CORO7: variants seen among roughly 807,000 people sequenced by gnomAD.
CORO7 encodes coronin 7, also known as coronin-7.
A neutral mutation model predicts 126.6 loss-of-function variants in CORO7; 107 were observed. The ratio of observed to expected loss-of-function variants is 0.85; its 90% CI spans 0.72 to 0.99. The LOEUF (loss-of-function observed/expected upper bound fraction) is 0.99, where lower values mean the gene tolerates loss of function less well. CORO7 is among the 50% of genes least tolerant of loss of function. The pLI, the probability that CORO7 is intolerant of heterozygous loss-of-function variation, is 0.00. For missense variants in CORO7, 1,314 were observed against 1,255.8 expected (o/e 1.05, Z -0.70); for synonymous variants, 603 against 536.8 (o/e 1.12, Z -1.70).
chr16:4,388,438 T>A, intron 8 of CORO7, 107 bp downstream of exon 8: 1 of 1,275,232 alleles, frequency 7.8e-7, no homozygotes. Context: ...TGGACAGGCC[T>A]GGAACTGGCC....
chr16:4,412,299 C>T lies in CORO7; in HGVS notation c.232+57G>A. 5 of 1,591,318 alleles carry T rather than the reference C, an allele frequency of 3.1e-6. 2 individuals carry two copies. In the South Asian group the frequency reaches 5.6e-5, roughly 18 times the overall value. ...GGACCAGGTGAGGATGAATTTCTGGCCCTGGAGAGGGAGGTGCAAGTTTCA... is the reference window on the plus strand; with the variant it reads ...GGACCAGGTGAGGATGAATTTCTGGTCCTGGAGAGGGAGGTGCAAGTTTCA... On this transcript the variant is annotated intron_variant, in intron 3 of 27. Coordinates refer to ENST00000251166, the MANE Select transcript of CORO7 (RefSeq NM_024535.5).
chr16:4,365,195 C>T, intron 10 of CORO7, 135 bp from the exon 11 acceptor site: 2 of 1,395,126 alleles, frequency 1.4e-6, no homozygotes, highest in Non-Finnish European at 1.9e-6. Context: ...GGCTCCCCAA[C>T]ATGCTGGGCG....
intron 7 of CORO7, among the ~76,000 whole-genome samples, chr16:4,394,062 C>CT (rs1205694258): frequency 6.6e-6 from 1 of 152,046 alleles, no homozygotes; most frequent in African/African-American, 2.4e-5. Flanking sequence ...GATTGCGCCA[C>CT]TGCCCTCCAG....
At chr16:4,394,700 A>G (rs777656589) in intron 7 of CORO7, among the ~76,000 whole-genome samples, 27 of 152,246 alleles carry the variant, frequency 1.8e-4, no homozygotes, top group Admixed American at 3.9e-4. Flanking sequence ...GGAGCCAGAC[A>G]CAGGGCCCTG....
intron 23 of CORO7, chr16:4,359,047 G>A: frequency 1.8e-6 from 1 of 552,176 alleles, no homozygotes; most frequent in Non-Finnish European, 3.1e-6. Context: ...GAAGTGTTGG[G>A]ATTCCAGGCC....
chr16:4,395,869 A>G (rs1278804814), intron 6 of CORO7, among the ~76,000 whole-genome samples: 1 of 152,238 alleles, frequency 6.6e-6, no homozygotes, highest in Non-Finnish European at 1.5e-5. Flanking sequence ...TTCGGCAGTT[A>G]TTGATTCAGA....
In CORO7 at chr16:4,389,683, C is replaced by A. The variant is rs116267509; in HGVS notation, c.616-1052G>T. The stretch of plus-strand genomic sequence containing the variant: ...CTGGAGCCTGAGAACCAAGGCCCCA[C>A]TGCCCTCTCTCCACGTAAGAGGGGA... On this transcript the variant is annotated intron_variant, in intron 7 of 27. Transcript: ENST00000251166. Among the ~76,000 whole-genome samples the A allele has an allele frequency of 2.8e-3, 429 of 152,348 alleles. 5 individuals are homozygous for A. The highest frequency in any genetic ancestry group is 9.8e-3 in the African/African-American group (409 of 41,574).
chr16:4,359,333 A>G lies in CORO7; in HGVS notation c.2303T>C (p.Leu768Pro), dbSNP rs758877138. The change falls in exon 23 of 28, where the codon CTG (leucine) becomes CCG (proline). Residue 768 changes from leucine to proline, a missense_variant. Transcript: ENST00000251166. ...YELLPESPFF[L>P]ECNSFTSPDP... ...AGGCGACGTGAAGCTGTTGCACTCCAGGAAGAAAGGGGACTCGGGGAGCAG... is the reference window on the plus strand; with the variant it reads ...AGGCGACGTGAAGCTGTTGCACTCCGGGAAGAAAGGGGACTCGGGGAGCAG... The G allele has an allele frequency of 6.2e-7, 1 of 1,612,586 alleles. No homozygotes were observed. The highest frequency in any genetic ancestry group is 1.1e-5 in the South Asian group (1 of 90,710).
chr16:4,411,306 T>G (rs906577812), intron 3 of CORO7, among the ~76,000 whole-genome samples: 94 of 152,118 alleles, frequency 6.2e-4, no homozygotes, highest in African/African-American at 2.2e-3. Flanking sequence ...GGTGGAAGAA[T>G]TGCTTGAGCC....
intron 9 of CORO7, 101 bp downstream of exon 9, chr16:4,387,885 C>A: frequency 2.0e-6 from 3 of 1,465,854 alleles, no homozygotes; most frequent in African/African-American, 2.8e-5. Context: ...CAGAACACCC[C>A]GGAGATCAGC....
At chr16:4,357,794 C>T (rs1340499728) in intron 25 of CORO7, 174 bp downstream of exon 25, 4 of 1,214,474 alleles carry the variant, frequency 3.3e-6, no homozygotes, top group Non-Finnish European at 4.4e-6. Context: ...GATGAAAACA[C>T]AGACCACGAG....
chr16:4,369,103 C>G (rs932261967), intron 9 of CORO7, among the ~76,000 whole-genome samples: 8 of 152,264 alleles, frequency 5.3e-5, no homozygotes, highest in African/African-American at 1.9e-4. Flanking sequence ...GCCACTGACT[C>G]AGGAGCTGAG....
intron 9 of CORO7, among the ~76,000 whole-genome samples, chr16:4,380,703 G>A (rs1430153272): frequency 6.6e-6 from 1 of 152,248 alleles, no homozygotes; most frequent in Non-Finnish European, 1.5e-5. Flanking sequence ...GAGTGACGGG[G>A]CTGGGACAGA....
At chr16:4,392,890 G>A (rs2055445586) in intron 7 of CORO7, among the ~76,000 whole-genome samples, 1 of 152,184 alleles carries the variant, frequency 6.6e-6, no homozygotes, top group South Asian at 2.1e-4. Flanking sequence ...AGGGGTGGGA[G>A]CCACCCACGC....
Position 4,362,074 on chromosome 16 carries a change from T to A in CORO7, c.1489A>T (p.Thr497Ser), listed in dbSNP as rs745605949. The change falls in exon 16 of 28, where the codon ACA becomes TCA. Residue 497 changes from threonine (T) to serine (S), a missense_variant. Thr to Ser is a moderately conservative substitution (Grantham distance 58). Coordinates refer to ENST00000251166, the MANE Select transcript of CORO7 (RefSeq NM_024535.5). The surrounding 1 kb of genome is among the most constrained non-coding windows in gnomAD (Gnocchi z 5.3). ...CAGAAGCCGTCACTCTCACCAGGTGTGGTGAGGTTGAGCCCCTTGAGGTTG... is the reference window on the plus strand; with the variant it reads ...CAGAAGCCGTCACTCTCACCAGGTGAGGTGAGGTTGAGCCCCTTGAGGTTG... ...ITNLKGLNLTTPGESDGFCAN... is the reference protein window; with the variant it reads ...ITNLKGLNLTSPGESDGFCAN... 4 of 1,612,724 alleles carry A rather than the reference T, an allele frequency of 2.5e-6. No homozygotes were observed. Among genetic ancestry groups the A allele is most frequent in the East Asian group, 4.5e-5 (2 of 44,808 alleles).
Position 4,365,524 on chromosome 16 carries a change from G to T in CORO7, c.807C>A (p.Asp269Glu). The change falls in exon 10 of 28, where the codon GAC becomes GAA. Residue 269 changes from aspartate to glutamate, a missense_variant. Coordinates refer to ENST00000251166, the MANE Select transcript of CORO7 (RefSeq NM_024535.5). ...CCAGGACCAGGAGCCCAGAGTCAGG[G>T]TCCAGCAGAGGCACGAGACACCTGG... is the stretch of plus-strand genomic sequence containing the variant. ...TSLGCLVPLLDPDSGLLVLAG... is the reference protein window; with the variant it reads ...TSLGCLVPLLEPDSGLLVLAG... 6.3e-7 allele frequency: 1 copy of T among 1,580,916 alleles called. No homozygotes were observed. Among genetic ancestry groups the T allele is most frequent in the Non-Finnish European group, 8.6e-7 (1 of 1,163,770 alleles).
intron 6 of CORO7, among the ~76,000 whole-genome samples, chr16:4,404,437 C>T (rs1369045666): frequency 6.6e-6 from 1 of 152,166 alleles, no homozygotes; most frequent in Non-Finnish European, 1.5e-5. Context: ...GCAGGCTCTT[C>T]TCATCCCCTC....
chr16:4,405,698 CA>C (rs772715126), intron 5 of CORO7, 131 bp from the exon 6 acceptor site: 1 of 1,072,530 alleles, frequency 9.3e-7, no homozygotes, highest in East Asian at 2.7e-5. Context: ...GCCAAGGGGG[CA>C]AGGGCAGCAG....
At chr16:4,374,086 C>CGTGTGTGTGT (rs112578905) in intron 9 of CORO7, among the ~76,000 whole-genome samples, 1 of 148,702 alleles carries the variant, frequency 6.7e-6, no homozygotes, top group Admixed American at 6.7e-5. Context: ...GGAGGGTGCA[C>CGTGTGTGTGT]GTGTGTGTGT....
Sources: allele counts gnomAD v4.1 joint callset (sites outside exome capture counted in the v4.1 genomes callset), GRCh38; gene constraint gnomAD v4.1.1; non-coding constraint Gnocchi (gnomAD v3.1); transcripts MANE v1.5; gene names NCBI Gene and HGNC (gene_info 2026-07-23, HGNC 2026-07-21).